The following TDRD1 variants were observed in gnomAD, a reference collection of about 807,000 sequenced individuals.
TDRD1 encodes tudor domain containing 1.
In TDRD1, 37 loss-of-function variants were observed where a neutral mutation model predicts 140.6. The observed-to-expected ratio is 0.26, with a 90% CI of 0.20 to 0.35. The LOEUF (loss-of-function observed/expected upper bound fraction) is 0.35, where lower values mean the gene tolerates loss of function less well. Ranked by LOEUF, TDRD1 falls within the 10% of genes least tolerant of loss-of-function variation. The pLI is 1.00. For synonymous variants in TDRD1, 506 were observed against 475.7 expected (o/e 1.06, Z -0.83); for missense variants, 1,243 against 1,393.0 (o/e 0.89, Z 1.71).
At chr10:114,228,852 G>A in intron 25 of TDRD1, 1 of 897,156 alleles carries the variant, frequency 1.1e-6, no homozygotes, top group South Asian at 5.1e-5. Context: ...GGGAGGCTGA[G>A]GCGGGCAGAT....
chr10:114,204,839 A>G (rs374492193), exon 10 of TDRD1: 2 of 1,597,914 alleles, frequency 1.3e-6, no homozygotes, highest in Non-Finnish European at 1.7e-6. Flanking sequence ...GATTGTCGAC[A>G]TCTTGGAAGA....
At chr10:114,197,448 A>G (rs1466044144) in intron 3 of TDRD1, among the ~76,000 whole-genome samples, 1 of 152,008 alleles carries the variant, frequency 6.6e-6, no homozygotes, top group Non-Finnish European at 1.5e-5. Context: ...GAGACTCCCT[A>G]TTCATTTGTT....
In TDRD1 at chr10:114,203,367, CT is replaced by C. The variant is rs11313522; in HGVS notation, c.802-12del. The C allele has an allele frequency of 0.23, 353,323 of 1,549,036 alleles. 41,446 individuals are homozygous for C. The highest frequency in any genetic ancestry group is 0.29 in the African/African-American group (20,935 of 71,906). On this transcript the variant is annotated intron_variant, in intron 7 of 25. Transcript: ENST00000251864. Reference sequence around the variant, plus strand: ...CTTGTGTGCCTTATGAATTATTCCTCTTTTTTTTTATCTTTGAAAGGGTACG... The same window carrying C: ...CTTGTGTGCCTTATGAATTATTCCTCTTTTTTTTATCTTTGAAAGGGTACG...
chr10:114,179,773 G>C (rs556783847), intron 1 of TDRD1: 48 of 152,194 alleles, frequency 3.2e-4, no homozygotes, highest in Admixed American at 3.1e-3. Flanking sequence ...TCCTCCTATA[G>C]GAAAGGAAGA....
At chr10:114,188,531 G>A (rs1030147507) in intron 2 of TDRD1, among the ~76,000 whole-genome samples, 12 of 152,280 alleles carry the variant, frequency 7.9e-5, no homozygotes, top group Admixed American at 3.9e-4. Context: ...GGTTTCACGT[G>A]ATTTATTTTA....
intron 1 of TDRD1, among the ~76,000 whole-genome samples, chr10:114,186,827 G>T (rs976895881): frequency 6.6e-6 from 1 of 152,134 alleles, no homozygotes; most frequent in Admixed American, 6.5e-5. Context: ...ATTCTCATTG[G>T]ATTAGGTTAG....
chr10:114,186,412 C>G (rs1463795157), intron 1 of TDRD1, among the ~76,000 whole-genome samples: 1 of 151,962 alleles, frequency 6.6e-6, no homozygotes. Flanking sequence ...TACAGGCACC[C>G]GCCACCACGC....
intron 5 of TDRD1, 146 bp from the exon 6 acceptor site, chr10:114,202,092 G>C: frequency 1.6e-6 from 1 of 608,084 alleles, no homozygotes; most frequent in East Asian, 2.9e-5. Context: ...CAGCACTGGG[G>C]AGTTTTACAT....
At chr10:114,210,374 A>C (rs1010958595) in intron 11 of TDRD1, among the ~76,000 whole-genome samples, 1 of 152,216 alleles carries the variant, frequency 6.6e-6, no homozygotes, top group African/African-American at 2.4e-5. Context: ...TTCTTGGACC[A>C]GTCTAGCTTT....
exon 26 of TDRD1, chr10:114,231,504 G>A (rs1396347834): frequency 6.2e-6 from 10 of 1,600,988 alleles, no homozygotes; most frequent in Non-Finnish European, 8.5e-6. Flanking sequence ...TCTCTTGGAG[G>A]TAAACCCTTA....
intron 3 of TDRD1, among the ~76,000 whole-genome samples, chr10:114,191,901 C>G (rs778259698): frequency 6.6e-6 from 1 of 152,184 alleles, no homozygotes; most frequent in African/African-American, 2.4e-5. Flanking sequence ...TATTTTTATT[C>G]TACCCATTTT....
upstream of TDRD1, among the ~76,000 whole-genome samples, chr10:114,175,724 T>G (rs2032680204): frequency 6.6e-6 from 1 of 152,068 alleles, no homozygotes; most frequent in Non-Finnish European, 1.5e-5. Context: ...CCCAAAAGAC[T>G]CAGAAGGCAG....
At chr10:114,227,924 A>G (rs771003143) in exon 24 of TDRD1, 1 of 1,613,822 alleles carries the variant, frequency 6.2e-7, no homozygotes, top group Non-Finnish European at 8.5e-7. Flanking sequence ...GATGTATAGG[A>G]TGAATTGCTG....
chr10:114,221,280 A>G, intron 19 of TDRD1, 77 bp from the exon 20 acceptor site: 1 of 1,306,856 alleles, frequency 7.7e-7, no homozygotes, highest in East Asian at 2.3e-5. Context: ...CAAATGATTG[A>G]ATTAAATATG....
chr10:114,209,596 G>C (rs1217724661), intron 11 of TDRD1, among the ~76,000 whole-genome samples: 1 of 152,124 alleles, frequency 6.6e-6, no homozygotes, highest in Non-Finnish European at 1.5e-5. Flanking sequence ...TTTGGCTACT[G>C]TTTTGAGCCA....
At chr10:114,193,816 T>G (rs1286139889) in intron 3 of TDRD1, among the ~76,000 whole-genome samples, 1 of 152,260 alleles carries the variant, frequency 6.6e-6, no homozygotes, top group African/African-American at 2.4e-5. Context: ...TTCAGTCTTT[T>G]ACCATTAAGT....
intron 13 of TDRD1, among the ~76,000 whole-genome samples, chr10:114,211,281 G>T (rs1194978042): frequency 6.6e-6 from 1 of 152,132 alleles, no homozygotes; most frequent in African/African-American, 2.4e-5. Context: ...CTAATAGGGG[G>T]ATGTGGAACC....
intron 25 of TDRD1, among the ~76,000 whole-genome samples, chr10:114,229,707 C>G (rs1184035813): frequency 1.3e-5 from 2 of 151,292 alleles, no homozygotes; most frequent in Non-Finnish European, 2.9e-5. Flanking sequence ...CACTGCCACA[C>G]CCGGCTAATC....
At chr10:114,229,198 A>G (rs2036613240) in intron 25 of TDRD1, among the ~76,000 whole-genome samples, 1 of 152,226 alleles carries the variant, frequency 6.6e-6, no homozygotes, top group Non-Finnish European at 1.5e-5. Context: ...ACTTTGATTT[A>G]CTTAATATGT....
Sources: gnomAD v4.1 joint callset for allele counts (sites outside exome capture counted in the v4.1 genomes callset) on GRCh38, gnomAD v4.1.1 for gene constraint, MANE v1.5 for transcripts, NCBI Gene and HGNC (gene_info 2026-07-23, HGNC 2026-07-21) for gene names.